The following TSPAN9 variants were observed in gnomAD, a reference collection of about 807,000 sequenced individuals.
TSPAN9 encodes tetraspanin-9.
TSPAN9 carries 16 observed loss-of-function variants against 31.0 expected under a neutral mutation model. That is an observed-to-expected ratio of 0.52 (90% confidence interval 0.35 to 0.78). The LOEUF is 0.78. Ranked by LOEUF, TSPAN9 falls within the 30% of genes least tolerant of loss-of-function variation. The probability of loss-of-function intolerance (pLI) is 0.01; values close to 1 mark genes in which losing one functional copy is unlikely to be tolerated. For synonymous variants in TSPAN9, 145 were observed against 121.6 expected, an observed-to-expected ratio of 1.19 and a Z score of -1.27; for missense variants, 272 against 312.5, an observed-to-expected ratio of 0.87 and a Z score of 0.98.
At chr12:3,251,812 G>A (rs531888050) in intron 3 of TSPAN9, among the ~76,000 whole-genome samples, 2 of 152,316 alleles carry the variant, frequency 1.3e-5, no homozygotes, top group African/African-American at 4.8e-5. Context: ...TGGGATAGGA[G>A]TGTTATGCTG....
intron 2 of TSPAN9, among the ~76,000 whole-genome samples, chr12:3,094,848 T>C (rs1329392294): frequency 1.8e-5 from 1 of 55,388 alleles, no homozygotes; most frequent in Non-Finnish European, 3.8e-5. Context: ...ATCAATAATC[T>C]TTTTTTTTTT....
At chr12:3,141,063 G>T (rs180938521) in intron 2 of TSPAN9, among the ~76,000 whole-genome samples, 2 of 151,904 alleles carry the variant, frequency 1.3e-5, no homozygotes, top group Non-Finnish European at 2.9e-5. Context: ...GAGGGGAGCC[G>T]TGAGATTCAG....
At chr12:3,105,253 C>T (rs1312556655) in intron 2 of TSPAN9, among the ~76,000 whole-genome samples, 1 of 152,284 alleles carries the variant, frequency 6.6e-6, no homozygotes, top group Admixed American at 6.5e-5. Flanking sequence ...GCAGATGTGC[C>T]GTCCTCTCCC....
rs188844824 is a variant in TSPAN9, at chr12:3,250,094, G to A, written c.64-28327G>A. 5.0e-3 allele frequency among the ~76,000 whole-genome samples: 763 copies of A among 152,282 alleles called. 22 individuals are homozygous for A. Among genetic ancestry groups the A allele is most frequent in the Admixed American group, 0.045 (682 of 15,288 alleles). On this transcript the variant is annotated intron_variant, in intron 3 of 8. Coordinates refer to ENST00000011898, the MANE Select transcript of TSPAN9 (RefSeq NM_006675.5). ...GGGGTGGGATGTTTCCTCCAGGGCT[G>A]TCTTTGAAGGTCAGAAGCGTCCAGT...
chr12:3,220,878 G>A (rs1312730774), intron 3 of TSPAN9, among the ~76,000 whole-genome samples: 1 of 152,192 alleles, frequency 6.6e-6, no homozygotes, highest in Non-Finnish European at 1.5e-5. Flanking sequence ...CCTTGGATGA[G>A]GAACACATTG....
intron 2 of TSPAN9, among the ~76,000 whole-genome samples, chr12:3,145,345 G>A (rs1002832708): frequency 1.3e-5 from 2 of 152,174 alleles, no homozygotes; most frequent in African/African-American, 4.8e-5. Flanking sequence ...GCTCTTGTTT[G>A]GGAAATGACC....
At chr12:3,273,602 C>T (rs942050118) in intron 3 of TSPAN9, among the ~76,000 whole-genome samples, 4 of 152,212 alleles carry the variant, frequency 2.6e-5, no homozygotes, top group Non-Finnish European at 5.9e-5. Context: ...CTAAGCTCTC[C>T]GGCCCTGAGC....
At chr12:3,215,463 G>A (rs1035657209) in intron 3 of TSPAN9, 6 of 152,296 alleles carry the variant, frequency 3.9e-5, no homozygotes, top group African/African-American at 1.4e-4. Context: ...GCCTAGGAAG[G>A]GTTCTGCTGA....
intron 3 of TSPAN9, among the ~76,000 whole-genome samples, chr12:3,202,466 T>C (rs2098372474): frequency 6.6e-6 from 1 of 152,228 alleles, no homozygotes; most frequent in South Asian, 2.1e-4. Context: ...ACTTTTCCCA[T>C]AGAATGACAA....
intron 3 of TSPAN9, among the ~76,000 whole-genome samples, chr12:3,262,170 CCT>C (rs1555159623): frequency 1.3e-5 from 2 of 152,208 alleles, no homozygotes; most frequent in African/African-American, 4.8e-5. Context: ...GGCACTGCTC[CCT>C]GTTTGTTTGT....
chr12:3,203,673 A>T (rs981543159), intron 3 of TSPAN9, among the ~76,000 whole-genome samples: 2 of 152,252 alleles, frequency 1.3e-5, no homozygotes, highest in Non-Finnish European at 2.9e-5. Context: ...TAAGCAGGGA[A>T]AAATTGAATC....
chr12:3,194,065 C>T (rs2098365887), intron 2 of TSPAN9, among the ~76,000 whole-genome samples: 1 of 152,192 alleles, frequency 6.6e-6, no homozygotes, highest in South Asian at 2.1e-4. Flanking sequence ...TCAAGGCTGT[C>T]AGGCTGTCCT....
At chr12:3,251,151 G>A (rs1482516636) in intron 3 of TSPAN9, among the ~76,000 whole-genome samples, 2 of 152,202 alleles carry the variant, frequency 1.3e-5, no homozygotes, top group Non-Finnish European at 2.9e-5. Flanking sequence ...AGAAGTTGTG[G>A]ACATTTTCAA....
At chr12:3,167,560 G>A (rs1380277842) in intron 2 of TSPAN9, among the ~76,000 whole-genome samples, 3 of 152,228 alleles carry the variant, frequency 2.0e-5, no homozygotes, top group Non-Finnish European at 4.4e-5. Flanking sequence ...GGGAGGGTCA[G>A]CCCAAGGTTG....
chr12:3,253,513 A>C (rs1007751828), intron 3 of TSPAN9, among the ~76,000 whole-genome samples: 4 of 152,208 alleles, frequency 2.6e-5, no homozygotes, highest in African/African-American at 9.7e-5. Flanking sequence ...GTGGAAAGGA[A>C]GGGTGTCTGC....
chr12:3,136,681 C>G (rs2098332279), intron 2 of TSPAN9, among the ~76,000 whole-genome samples: 1 of 152,182 alleles, frequency 6.6e-6, no homozygotes, highest in African/African-American at 2.4e-5. Flanking sequence ...TTCCCAAACC[C>G]TCTGTAAGAG....
At chr12:3,146,196 A>G (rs7133793) in intron 2 of TSPAN9, among the ~76,000 whole-genome samples, 32,593 of 152,208 alleles carry the variant, frequency 0.21, 3,716 homozygotes, top group Non-Finnish European at 0.27. Context: ...CGTGGCCATC[A>G]GGGGAGTGGT....
At chr12:3,137,554 C>A (rs1473876184) in intron 2 of TSPAN9, among the ~76,000 whole-genome samples, 2 of 152,156 alleles carry the variant, frequency 1.3e-5, no homozygotes, top group Non-Finnish European at 2.9e-5. Context: ...GGAGTGCTAC[C>A]CCCTGGGTTG....
At position 3,283,446 on chromosome 12, in the gene TSPAN9, A is replaced by C; in HGVS notation, c.*330A>C. On this transcript the variant is annotated 3_prime_UTR_variant, in exon 9 of 9. Coordinates refer to ENST00000011898, the MANE Select transcript of TSPAN9 (RefSeq NM_006675.5). ...TGCCCCTGCCCTTCCTCACACTGAC[A>C]CTTTGTCCCCACATGGGGTGGGGAG... is the stretch of plus-strand genomic sequence containing the variant. The C allele has an allele frequency of 4.4e-6, 1 of 227,000 alleles. No individual in the cohort carries two copies. The allele number at this position is 227,000 out of a possible 1,614,324, so 14.1% of individuals were successfully genotyped here.
Sources: gnomAD v4.1 joint callset for allele counts (sites outside exome capture counted in the v4.1 genomes callset) on GRCh38, gnomAD v4.1.1 for gene constraint, MANE v1.5 for transcripts, NCBI Gene and HGNC (gene_info 2026-07-23, HGNC 2026-07-21) for gene names.